The following MAML2 variants were observed in gnomAD, a reference collection of about 807,000 sequenced individuals.
MAML2 encodes mastermind-like protein 2.
MAML2 carries 22 observed loss-of-function variants against 96.1 expected under a neutral mutation model. The observed-to-expected ratio is 0.23, with a 90% CI of 0.16 to 0.33. MAML2 has a LOEUF of 0.33. Among genes scored for constraint, MAML2 ranks in the 10% least tolerant of loss-of-function variants. The pLI is 1.00. For synonymous variants in MAML2, 561 were observed against 521.3 expected (o/e 1.08, Z -1.04); for missense variants, 1,367 against 1,392.4 (o/e 0.98, Z 0.29).
At chr11:96,013,268 T>A (rs1858291827) in intron 2 of MAML2, among the ~76,000 whole-genome samples, 1 of 152,228 alleles carries the variant, frequency 6.6e-6, no homozygotes, top group Non-Finnish European at 1.5e-5. Context: ...CCCTAAGCAT[T>A]CTTTGTATCT....
chr11:96,043,996 C>A (rs1400728508), intron 2 of MAML2, among the ~76,000 whole-genome samples: 6 of 152,198 alleles, frequency 3.9e-5, no homozygotes, highest in Admixed American at 3.9e-4. Flanking sequence ...TGGCCCAGGG[C>A]CTATGGCCCA....
intron 2 of MAML2, among the ~76,000 whole-genome samples, chr11:95,992,701 A>G (rs898271891): frequency 6.6e-6 from 1 of 152,214 alleles, no homozygotes; most frequent in African/African-American, 2.4e-5. Context: ...TAAGTCAAAA[A>G]TTGTTATACT....
chr11:95,994,920 T>A (rs1306282294), intron 2 of MAML2, among the ~76,000 whole-genome samples: 3 of 152,168 alleles, frequency 2.0e-5, no homozygotes, highest in Non-Finnish European at 4.4e-5. Context: ...GTTCTGACAC[T>A]TAGTTGTGTG....
At chr11:96,272,962 A>G (rs1373350334) in intron 1 of MAML2, among the ~76,000 whole-genome samples, 1 of 152,262 alleles carries the variant, frequency 6.6e-6, no homozygotes, top group African/African-American at 2.4e-5. Context: ...ACGCAGTTGT[A>G]AGGCTGAGAC....
At chr11:96,001,999 T>C (rs1858085378) in intron 2 of MAML2, among the ~76,000 whole-genome samples, 1 of 152,222 alleles carries the variant, frequency 6.6e-6, no homozygotes. Flanking sequence ...AACATCCTTT[T>C]TTTCTGGGCT....
chr11:96,309,035 G>C (rs145542617), intron 1 of MAML2, among the ~76,000 whole-genome samples: 1,835 of 152,296 alleles, frequency 0.012, 21 homozygotes, highest in Non-Finnish European at 0.018. Flanking sequence ...CATTAGTTAA[G>C]TTCAGCAAAA....
chr11:96,184,023 T>G (rs1861533269), intron 1 of MAML2, among the ~76,000 whole-genome samples: 1 of 152,226 alleles, frequency 6.6e-6, no homozygotes, highest in South Asian at 2.1e-4. Flanking sequence ...AGTTTGCATT[T>G]GCACTCTACT....
intron 1 of MAML2, among the ~76,000 whole-genome samples, chr11:96,263,007 G>A (rs1168124709): frequency 6.6e-6 from 1 of 152,116 alleles, no homozygotes; most frequent in Non-Finnish European, 1.5e-5. Flanking sequence ...ATAGTAAACT[G>A]CTTCCCCGGG....
intron 2 of MAML2, among the ~76,000 whole-genome samples, chr11:96,020,550 T>C (rs898038563): frequency 1.3e-5 from 2 of 152,182 alleles, no homozygotes; most frequent in Non-Finnish European, 1.5e-5. Context: ...AGGGGGTGAC[T>C]GGGGCACTGA....
At chr11:96,031,902 C>T (rs935309978) in intron 2 of MAML2, among the ~76,000 whole-genome samples, 2 of 152,028 alleles carry the variant, frequency 1.3e-5, no homozygotes, top group East Asian at 1.9e-4. Context: ...AGGAGAATGG[C>T]GTGAACCCGG....
intron 2 of MAML2, among the ~76,000 whole-genome samples, chr11:95,997,468 G>T (rs748887105): frequency 6.6e-6 from 1 of 152,082 alleles, no homozygotes; most frequent in African/African-American, 2.4e-5. Context: ...TTTTTATAAG[G>T]TTCAATCAAT....
At chr11:96,294,771 A>G (rs1363072483) in intron 1 of MAML2, among the ~76,000 whole-genome samples, 1 of 152,202 alleles carries the variant, frequency 6.6e-6, no homozygotes, top group African/African-American at 2.4e-5. Context: ...ACACTATAAA[A>G]TAAGCATGAT....
chr11:96,303,406 T>A (rs1204356174), intron 1 of MAML2, among the ~76,000 whole-genome samples: 1 of 152,232 alleles, frequency 6.6e-6, no homozygotes, highest in Non-Finnish European at 1.5e-5. Flanking sequence ...ATTATAGTTA[T>A]CTATATATAA....
At chr11:96,272,831 G>A (rs1862936267) in intron 1 of MAML2, among the ~76,000 whole-genome samples, 1 of 152,150 alleles carries the variant, frequency 6.6e-6, no homozygotes, top group Non-Finnish European at 1.5e-5. Flanking sequence ...AGTGCTCTTT[G>A]TGCTACAATC....
intron 2 of MAML2, among the ~76,000 whole-genome samples, chr11:96,000,035 C>T (rs1858057523): frequency 6.6e-6 from 1 of 152,172 alleles, no homozygotes; most frequent in Non-Finnish European, 1.5e-5. Context: ...GTTGTCTGAA[C>T]TGTTTCAGAT....
intron 1 of MAML2, among the ~76,000 whole-genome samples, chr11:96,194,185 C>T (rs1331092689): frequency 6.6e-6 from 1 of 152,172 alleles, no homozygotes; most frequent in South Asian, 2.1e-4. Context: ...TACATTCATG[C>T]AAACAAATGG....
In MAML2 at chr11:96,342,027, G is replaced by GGTTGTGGGGGAGCCGTGGAGAA. The variant is rs1491514437; in HGVS notation, c.-154_-133dup. The GGTTGTGGGGGAGCCGTGGAGAA allele has an allele frequency of 7.8e-5, 67 of 860,404 alleles. 1 individual carries two copies. Among genetic ancestry groups the GGTTGTGGGGGAGCCGTGGAGAA allele is most frequent in the Non-Finnish European group, 1.1e-4 (63 of 579,932 alleles). 53.3% of individuals were successfully genotyped at this position (860,404 alleles called of 1,614,324 possible). A position where few individuals can be genotyped will look rare whatever the true frequency, so the allele number is the denominator to read the frequency against. On this transcript the variant is annotated 5_prime_UTR_variant, in exon 1 of 5. Coordinates refer to ENST00000524717, the MANE Select transcript of MAML2 (RefSeq NM_032427.4). ...GGCCACATGAATAGAGGTCTTCAGA[G>GGTTGTGGGGGAGCCGTGGAGAA]GTTGTGGGGGAGCCGTGGAGAAGTT...
rs148429881 is a variant in MAML2 at position 96,021,911 on chromosome 11, T to C, written c.2140-30188A>G. The stretch of plus-strand genomic sequence containing the variant: ...CTTTGCCTTGAAGCTGGGCTCCAGG[T>C]GCAACCCAGATCCAAGACTGTGGTT... On this transcript the variant is annotated intron_variant, in intron 2 of 4. Transcript: ENST00000524717. 1.3e-4 allele frequency among the ~76,000 whole-genome samples: 20 copies of C among 152,304 alleles called. No individual in the cohort carries two copies. The East Asian group carries it at 3.9e-3, about 29-fold the overall frequency.
intron 2 of MAML2, among the ~76,000 whole-genome samples, chr11:96,006,628 G>C (rs1054365539): frequency 1.3e-5 from 2 of 149,376 alleles, no homozygotes; most frequent in Non-Finnish European, 1.5e-5. Flanking sequence ...GCATGATCTC[G>C]GTCCACTGCA....
Sources: gnomAD v4.1 joint callset for allele counts (sites outside exome capture counted in the v4.1 genomes callset) on GRCh38, gnomAD v4.1.1 for gene constraint, MANE v1.5 for transcripts, NCBI Gene and HGNC (gene_info 2026-07-23, HGNC 2026-07-21) for gene names.